SNCG: variants seen among roughly 807,000 people sequenced by gnomAD.
SNCG encodes the protein synuclein gamma.
A neutral mutation model predicts 16.0 loss-of-function variants in SNCG; 13 were observed. The observed-to-expected ratio is 0.81, with a 90% CI of 0.53 to 1.29. The LOEUF is 1.29. Among genes scored for constraint, SNCG ranks in the 50% most tolerant of loss-of-function variants. The pLI is 0.00. For missense variants in SNCG, 154 were observed against 168.5 expected, an observed-to-expected ratio of 0.91 and a Z score of 0.48; for synonymous variants, 66 against 66.3, an observed-to-expected ratio of 1.00 and a Z score of 0.02.
chr10:86,963,077 C>A lies in SNCG; in HGVS notation c.*92C>A. ...CACAAGGAGTGCCCGCCTTGAGTGA[C>A]ATGCGGCTGCCCACGCTCCTGCCCT... On this transcript the variant is annotated 3_prime_UTR_variant, in exon 5 of 5. Coordinates refer to ENST00000372017, the MANE Select transcript of SNCG (RefSeq NM_003087.3). The A allele has an allele frequency of 1.5e-6, 2 of 1,332,990 alleles. No individual in the cohort carries two copies. Among genetic ancestry groups the A allele is most frequent in the Non-Finnish European group, 2.1e-6 (2 of 970,862 alleles). The allele number at this position is 1,332,990 out of a possible 1,614,324, so 82.6% of individuals were successfully genotyped here. A position where few individuals can be genotyped will look rare whatever the true frequency, so the allele number is the denominator to read the frequency against.
At chr10:86,960,736 C>T (rs537673776) in intron 3 of SNCG, among the ~76,000 whole-genome samples, 44 of 152,334 alleles carry the variant, frequency 2.9e-4, no homozygotes, top group Middle Eastern at 3.4e-3. Context: ...TGTACACATG[C>T]GTGTGCGGCC....
Position 86,959,931 on chromosome 10 carries a change from C to A in SNCG, c.164-70C>A. On this transcript the variant is annotated intron_variant, in intron 2 of 4. Coordinates refer to ENST00000372017, the MANE Select transcript of SNCG (RefSeq NM_003087.3). The surrounding 1 kb of genome is among the most constrained non-coding windows in gnomAD (Gnocchi z 4.3). Reference sequence around the variant, plus strand: ...GCTCTGAGCTCCTGGGAAGGGGCTGCGAGCCTGACTCCAGCAGGCCTGCCT... The same window carrying A: ...GCTCTGAGCTCCTGGGAAGGGGCTGAGAGCCTGACTCCAGCAGGCCTGCCT... The A allele has an allele frequency of 5.2e-6, 8 of 1,546,740 alleles. No homozygotes were observed. Among genetic ancestry groups the A allele is most frequent in the Non-Finnish European group, 7.0e-6 (8 of 1,144,824 alleles).
intron 3 of SNCG, among the ~76,000 whole-genome samples, chr10:86,961,462 T>G (rs962888222): frequency 6.6e-6 from 1 of 152,046 alleles, no homozygotes; most frequent in Admixed American, 6.5e-5. Flanking sequence ...ATCATCATCA[T>G]GTGTCCCAGG....
upstream of SNCG, among the ~76,000 whole-genome samples, chr10:86,957,169 G>A (rs1844248183): frequency 1.3e-5 from 2 of 152,222 alleles, no homozygotes; most frequent in East Asian, 1.9e-4. Context: ...CCCTGCCATG[G>A]CTCCGACAGG....
In SNCG at chr10:86,962,736, A is replaced by G. The variant is rs890434218; in HGVS notation, c.363+61A>G. The G allele has an allele frequency of 1.6e-5, 23 of 1,394,664 alleles. No individual in the cohort carries two copies. The African/African-American group carries it at 2.8e-4, about 17-fold the overall frequency. The allele number at this position is 1,394,664 out of a possible 1,614,324, so 86.4% of individuals were successfully genotyped here. ...TTCCTTGGTAGGGACCCCATCCCCC[A>G]CAGACGCACTGCTTCCCTCCTGGGC... On this transcript the variant is annotated intron_variant, in intron 4 of 4. Transcript: ENST00000372017.
chr10:86,960,584 G>C (rs547302802), intron 3 of SNCG, among the ~76,000 whole-genome samples: 1 of 152,152 alleles, frequency 6.6e-6, no homozygotes, highest in African/African-American at 2.4e-5. Flanking sequence ...GGGAGCCTCA[G>C]GGAAGTAGCG....
chr10:86,962,293 C>T (rs995147731), intron 3 of SNCG, among the ~76,000 whole-genome samples: 4 of 152,180 alleles, frequency 2.6e-5, no homozygotes, highest in African/African-American at 9.7e-5. Flanking sequence ...CTAACCCCCA[C>T]TCCACCCTAC....
intron 3 of SNCG, among the ~76,000 whole-genome samples, chr10:86,960,446 A>G (rs542660388): frequency 6.6e-6 from 1 of 152,248 alleles, no homozygotes; most frequent in African/African-American, 2.4e-5. Context: ...ATAAGTGAAA[A>G]CAGGATCCCA....
chr10:86,958,920 G>A (rs1844286623), intron 1 of SNCG, 102 bp downstream of exon 1: 6 of 1,297,302 alleles, frequency 4.6e-6, no homozygotes, highest in Non-Finnish European at 6.4e-6. Context: ...GGCATTTTGG[G>A]AGGGGGCGAG....
chr10:86,958,065 C>T, upstream of SNCG: 1 of 985,440 alleles, frequency 1.0e-6, no homozygotes, highest in Non-Finnish European at 1.2e-6. Flanking sequence ...GGAAGTCCTT[C>T]ATTTCCCCAC....
At chr10:86,958,885 A>G in intron 1 of SNCG, 67 bp downstream of exon 1, 1 of 1,514,470 alleles carries the variant, frequency 6.6e-7, no homozygotes, top group Non-Finnish European at 9.0e-7. Flanking sequence ...TACCTTCGCC[A>G]GACCTTACTC....
At position 86,959,063 on chromosome 10, in the gene SNCG, CTG is replaced by C. The variant is rs1844290829; in HGVS notation, c.121+248_121+249del. On this transcript the variant is annotated intron_variant, in intron 1 of 4. Coordinates refer to ENST00000372017, the MANE Select transcript of SNCG (RefSeq NM_003087.3). The surrounding 1 kb of genome is among the most constrained non-coding windows in gnomAD (Gnocchi z 4.3). ...ACCGCAGACAGGGCTGGCTACCTGTCTGTGCACGCACACACACATTCCCAAGC... is the reference window on the plus strand; with the variant it reads ...ACCGCAGACAGGGCTGGCTACCTGTCTGCACGCACACACACATTCCCAAGC... Among the ~76,000 whole-genome samples the C allele has an allele frequency of 6.6e-6, 1 of 152,164 alleles. No homozygotes were observed. Among genetic ancestry groups the C allele is most frequent in the Admixed American group, 6.5e-5 (1 of 15,286 alleles).
chr10:86,957,878 G>C (rs568659720), upstream of SNCG: 11 of 1,107,008 alleles, frequency 9.9e-6, no homozygotes, highest in African/African-American at 1.8e-4. Context: ...TGGACTTCGA[G>C]GTGGGGCCAC....
chr10:86,962,726 C>A, intron 4 of SNCG, 51 bp downstream of exon 4: 1 of 1,461,804 alleles, frequency 6.8e-7, no homozygotes. Context: ...TGGTAGGGAC[C>A]CCATCCCCCA....
chr10:86,959,919 G>C lies in SNCG; in HGVS notation c.164-82G>C, dbSNP rs765775615. On this transcript the variant is annotated intron_variant, in intron 2 of 4. Transcript: ENST00000372017. The surrounding 1 kb of genome is among the most constrained non-coding windows in gnomAD (Gnocchi z 4.3). ...AGCAGGGCCAGGGCTCTGAGCTCCTGGGAAGGGGCTGCGAGCCTGACTCCA... is the reference window on the plus strand; with the variant it reads ...AGCAGGGCCAGGGCTCTGAGCTCCTCGGAAGGGGCTGCGAGCCTGACTCCA... 1 of 1,542,592 alleles carries C rather than the reference G, an allele frequency of 6.5e-7. No individual in the cohort carries two copies. The highest frequency in any genetic ancestry group is 1.2e-5 in the South Asian group (1 of 83,466).
intron 3 of SNCG, 51 bp from the exon 4 acceptor site, chr10:86,962,553 G>C (rs1348903196): frequency 7.1e-7 from 1 of 1,398,850 alleles, no homozygotes; most frequent in Admixed American, 1.8e-5. Flanking sequence ...AGGGCAGCTA[G>C]GGGTCTCTGC....
chr10:86,959,880 C>G lies in SNCG; in HGVS notation c.164-121C>G. ...AGAGGTGCCCTGGAGTCAGAGGGAG[C>G]AGGGGAGGGTCCCAGCAGGGCCAGG... On this transcript the variant is annotated intron_variant, in intron 2 of 4. Transcript: ENST00000372017. This position sits in a 1 kb window ranked among gnomAD's most constrained non-coding sequence, Gnocchi z 4.3. 6.8e-7 allele frequency: 1 copy of G among 1,474,416 alleles called. No individual in the cohort carries two copies. Among genetic ancestry groups the G allele is most frequent in the Non-Finnish European group, 9.1e-7 (1 of 1,093,068 alleles). 91.3% of individuals were successfully genotyped at this position (1,474,416 alleles called of 1,614,324 possible). A position where few individuals can be genotyped will look rare whatever the true frequency, so the allele number is the denominator to read the frequency against.
chr10:86,956,777 C>G (rs1359855827), upstream of SNCG, among the ~76,000 whole-genome samples: 3 of 152,232 alleles, frequency 2.0e-5, no homozygotes, highest in Admixed American at 2.0e-4. Flanking sequence ...TGAGGGGGGA[C>G]TTACAGGCCC....
intron 3 of SNCG, 88 bp downstream of exon 3, chr10:86,960,216 C>G (rs1589312818): frequency 7.7e-7 from 1 of 1,292,568 alleles, no homozygotes; most frequent in East Asian, 2.4e-5. Context: ...CTCCACACCC[C>G]AGGAAACAAC....
Sources: gnomAD v4.1 joint callset for allele counts (sites outside exome capture counted in the v4.1 genomes callset) on GRCh38, gnomAD v4.1.1 for gene constraint, Gnocchi (gnomAD v3.1) non-coding constraint, MANE v1.5 for transcripts, NCBI Gene and HGNC (gene_info 2026-07-23, HGNC 2026-07-21) for gene names.